The following ANXA8 variants were observed in gnomAD, a reference collection of about 807,000 sequenced individuals.
The protein encoded by ANXA8 is VAC-beta.
In ANXA8, 9 loss-of-function variants were observed where a neutral mutation model predicts 26.8. The observed-to-expected ratio is 0.34, with a 90% CI of 0.20 to 0.59. ANXA8 has a LOEUF of 0.59. Ranked by LOEUF, ANXA8 falls within the 20% of genes least tolerant of loss-of-function variation. The pLI is 0.84. For missense variants in ANXA8, 83 were observed against 238.5 expected, an observed-to-expected ratio of 0.35 and a Z score of 4.29; for synonymous variants, 39 against 94.8, an observed-to-expected ratio of 0.41 and a Z score of 3.42.
At chr10:47,716,366 C>A in the ANXA8 span, among the ~76,000 whole-genome samples, 1 of 98,126 alleles carries the variant, frequency 1.0e-5, no homozygotes, top group East Asian at 4.2e-4. Flanking sequence ...AGAGCAAATA[C>A]CTATTTTTTA....
At chr10:47,775,326 T>C in the ANXA8 span, among the ~76,000 whole-genome samples, 1 of 148,380 alleles carries the variant, frequency 6.7e-6, no homozygotes, top group African/African-American at 2.5e-5. Context: ...TGAGCCGAGA[T>C]TGCGCCACTG....
the ANXA8 span, among the ~76,000 whole-genome samples, chr10:47,580,672 G>A: frequency 6.7e-6 from 1 of 150,108 alleles, no homozygotes; most frequent in African/African-American, 2.5e-5. Context: ...CAGCTTGGGA[G>A]GCAGAGGCTG....
the ANXA8 span, chr10:47,973,276 T>A: frequency 1.4e-5 from 2 of 147,870 alleles, no homozygotes; most frequent in African/African-American, 4.9e-5. Flanking sequence ...TAGTCTTTAA[T>A]CATGTTGTGG....
At chr10:47,527,694 A>T in the ANXA8 span, among the ~76,000 whole-genome samples, 1 of 141,014 alleles carries the variant, frequency 7.1e-6, no homozygotes, top group South Asian at 2.2e-4. Flanking sequence ...GCAGTGGGCA[A>T]AGTAGTGAAC....
At chr10:47,652,836 A>G in the ANXA8 span, among the ~76,000 whole-genome samples, 3 of 148,650 alleles carry the variant, frequency 2.0e-5, no homozygotes, top group Admixed American at 6.6e-5. Flanking sequence ...GATTACCAGC[A>G]TATCAATTGA....
the ANXA8 span, among the ~76,000 whole-genome samples, chr10:47,525,736 T>C: frequency 3.5e-4 from 47 of 133,588 alleles, 4 homozygotes; most frequent in Middle Eastern, 0.019. Context: ...CTTGTAGATG[T>C]ATAGAAATAC....
the ANXA8 span, among the ~76,000 whole-genome samples, chr10:47,526,897 CAG>C: frequency 1.1e-5 from 1 of 88,596 alleles, no homozygotes; most frequent in Non-Finnish European, 2.1e-5. Flanking sequence ...AGAAGGAAAA[CAG>C]AGCTGCTCAG....
At chr10:47,941,833 G>A in the ANXA8 span, among the ~76,000 whole-genome samples, 1 of 147,648 alleles carries the variant, frequency 6.8e-6, no homozygotes, top group Non-Finnish European at 1.5e-5. Flanking sequence ...CTACTCAGAA[G>A]GAAAAGGCAT....
the ANXA8 span, among the ~76,000 whole-genome samples, chr10:47,495,812 CAGA>C: frequency 1.3e-5 from 2 of 151,122 alleles, no homozygotes; most frequent in Non-Finnish European, 2.9e-5. Flanking sequence ...CAGGGAAGTG[CAGA>C]AGAACAGGGC....
At chr10:47,726,571 A>T in the ANXA8 span, among the ~76,000 whole-genome samples, 1 of 152,278 alleles carries the variant, frequency 6.6e-6, no homozygotes, top group East Asian at 1.9e-4. Context: ...AAAATAATTT[A>T]TAAAACAGTT....
intron 1 of ANXA8, 31 bp downstream of exon 1, chr10:47,483,882 G>A (rs1307449692): frequency 0.033 from 53,574 of 1,610,382 alleles, 583 homozygotes; most frequent in Non-Finnish European, 0.036. Flanking sequence ...CACCATGCAG[G>A]AACCCAAATC....
the ANXA8 span, chr10:47,985,954 G>T: frequency 1.3e-5 from 2 of 150,428 alleles, no homozygotes; most frequent in Non-Finnish European, 3.0e-5. Context: ...CCATTCCATT[G>T]TATGGATTCA....
At chr10:47,724,805 A>G in the ANXA8 span, among the ~76,000 whole-genome samples, 6,688 of 139,254 alleles carry the variant, frequency 0.048, 1,164 homozygotes, top group East Asian at 0.31. Flanking sequence ...CCAGCCCTTT[A>G]CAAAGCCTCA....
the ANXA8 span, among the ~76,000 whole-genome samples, chr10:47,740,985 AGTT>A: frequency 1.3e-5 from 2 of 151,918 alleles, no homozygotes; most frequent in African/African-American, 4.8e-5. Flanking sequence ...GGAGGCTTCC[AGTT>A]GTTGTACATC....
At chr10:47,497,319 CAAAAA>C in the ANXA8 span, among the ~76,000 whole-genome samples, 3 of 94,252 alleles carry the variant, frequency 3.2e-5, 1 homozygote, top group Non-Finnish European at 6.3e-5. Flanking sequence ...AAGTCCATCA[CAAAAA>C]AAAAAAAAAG....
At chr10:47,768,413 A>G in the ANXA8 span, among the ~76,000 whole-genome samples, 1 of 151,432 alleles carries the variant, frequency 6.6e-6, no homozygotes, top group Non-Finnish European at 1.5e-5. Context: ...TGAAGAAATT[A>G]GCTATCAAAC....
At chr10:47,491,620 T>C in the ANXA8 span, 17 of 1,533,616 alleles carry the variant, frequency 1.1e-5, no homozygotes, top group East Asian at 4.3e-4. Context: ...TCGGTGGCCT[T>C]CTCGGTGCGG....
the ANXA8 span, among the ~76,000 whole-genome samples, chr10:47,776,179 A>T: frequency 6.6e-6 from 1 of 151,364 alleles, no homozygotes; most frequent in Non-Finnish European, 1.5e-5. Flanking sequence ...ATTCCTGAGG[A>T]CTTTTCAATT....
chr10:47,561,292 G>A, the ANXA8 span, among the ~76,000 whole-genome samples: 13 of 151,562 alleles, frequency 8.6e-5, no homozygotes, highest in African/African-American at 2.7e-4. Flanking sequence ...TGTTGTTGTA[G>A]AAATGAGGTC....
Sources: gnomAD v4.1 joint callset for allele counts (sites outside exome capture counted in the v4.1 genomes callset) on GRCh38, gnomAD v4.1.1 for gene constraint, MANE v1.5 for transcripts, NCBI Gene and HGNC (gene_info 2026-07-23, HGNC 2026-07-21) for gene names.